Variants in MAP2K1 observed in about 807,000 individuals in gnomAD.
MAP2K1 encodes mitogen-activated protein kinase kinase 1.
A neutral mutation model predicts 46.3 loss-of-function variants in MAP2K1; 16 were observed. The observed-to-expected ratio is 0.35, with a 90% CI of 0.23 to 0.52. The LOEUF (loss-of-function observed/expected upper bound fraction) is 0.52, where lower values mean the gene tolerates loss of function less well. Among genes scored for constraint, MAP2K1 ranks in the 20% least tolerant of loss-of-function variants. MAP2K1 has a pLI of 0.94. For synonymous variants in MAP2K1, 183 were observed against 185.6 expected (o/e 0.99, Z 0.11); for missense variants, 263 against 497.1 (o/e 0.53, Z 4.48).
chr15:66,411,518 C>T (rs2093411236), intron 1 of MAP2K1, among the ~76,000 whole-genome samples: 1 of 152,196 alleles, frequency 6.6e-6, no homozygotes, highest in South Asian at 2.1e-4. Context: ...AAGTGCCAGA[C>T]AGACCCTGCA....
rs796757093 is a variant in MAP2K1 at position 66,408,508 on chromosome 15, T to G, written c.80+21081T>G. Among the ~76,000 whole-genome samples, 19 of 152,192 alleles carry G rather than the reference T, an allele frequency of 1.2e-4. 1 individual carries two copies. Among genetic ancestry groups the G allele is most frequent in the African/African-American group, 4.6e-4 (19 of 41,524 alleles). On this transcript the variant is annotated intron_variant, in intron 1 of 10. Coordinates refer to ENST00000307102, the MANE Select transcript of MAP2K1 (RefSeq NM_002755.4). Reference sequence around the variant, plus strand: ...GCCCAGCTTTCTTCTCCCAAGAGTTTAAGGAAGATTTCCTGATGTATGTGT... The same window carrying G: ...GCCCAGCTTTCTTCTCCCAAGAGTTGAAGGAAGATTTCCTGATGTATGTGT...
chr15:66,418,279 C>T (rs1036067567), intron 1 of MAP2K1, among the ~76,000 whole-genome samples: 1 of 152,062 alleles, frequency 6.6e-6, no homozygotes, highest in African/African-American at 2.4e-5. Flanking sequence ...GCCTTATGTT[C>T]CCTACCTCCA....
At chr15:66,398,145 C>G (rs557943495) in intron 1 of MAP2K1, among the ~76,000 whole-genome samples, 1 of 151,826 alleles carries the variant, frequency 6.6e-6, no homozygotes, top group South Asian at 2.1e-4. Flanking sequence ...TGGCACACAC[C>G]TGTAATCCCA....
intron 4 of MAP2K1, among the ~76,000 whole-genome samples, chr15:66,444,053 C>G (rs891248508): frequency 2.6e-5 from 4 of 151,972 alleles, no homozygotes; most frequent in African/African-American, 9.7e-5. Context: ...GCCTGACCAA[C>G]ATGGAGAAAC....
intron 1 of MAP2K1, among the ~76,000 whole-genome samples, chr15:66,408,966 G>A (rs2093404798): frequency 6.6e-6 from 1 of 152,070 alleles, no homozygotes; most frequent in African/African-American, 2.4e-5. Context: ...CTCTCCAAAG[G>A]GCAAGGTTCT....
At chr15:66,439,989 C>T (rs542710426) in intron 3 of MAP2K1, among the ~76,000 whole-genome samples, 8 of 151,518 alleles carry the variant, frequency 5.3e-5, no homozygotes, top group African/African-American at 1.9e-4. Flanking sequence ...GAAGTGTACA[C>T]TCGTACACCC....
chr15:66,396,911 C>G (rs1417961442), intron 1 of MAP2K1, among the ~76,000 whole-genome samples: 1 of 151,612 alleles, frequency 6.6e-6, no homozygotes, highest in Non-Finnish European at 1.5e-5. Context: ...TCTTGAACTC[C>G]TGACCTCAGT....
chr15:66,468,708 G>A (rs141024102), intron 5 of MAP2K1, among the ~76,000 whole-genome samples: 1,999 of 152,106 alleles, frequency 0.013, 31 homozygotes, highest in African/African-American at 0.042. Flanking sequence ...CGAGGTGGGC[G>A]GATCACGAGG....
chr15:66,395,591 T>C (rs1362172296), intron 1 of MAP2K1, among the ~76,000 whole-genome samples: 1 of 92,998 alleles, frequency 1.1e-5, no homozygotes, highest in Non-Finnish European at 2.5e-5. Context: ...TTTTTTTTTT[T>C]TGAGACGGAG....
At chr15:66,490,303 A>G in intron 10 of MAP2K1, 199 bp from the exon 11 acceptor site, 1 of 691,932 alleles carries the variant, frequency 1.4e-6, no homozygotes, top group Non-Finnish European at 2.6e-6. Context: ...GACTTGCCCA[A>G]GGCCTCACAG....
At chr15:66,462,333 C>G (rs1451887381) in intron 5 of MAP2K1, among the ~76,000 whole-genome samples, 1 of 151,826 alleles carries the variant, frequency 6.6e-6, no homozygotes, top group Non-Finnish European at 1.5e-5. Flanking sequence ...AACCCCATCT[C>G]TACTAAAAAT....
intron 9 of MAP2K1, 61 bp from the exon 10 acceptor site, chr15:66,489,655 CAT>C: frequency 1.6e-6 from 2 of 1,251,732 alleles, no homozygotes; most frequent in Non-Finnish European, 2.4e-6. Flanking sequence ...GGCATGCAAA[CAT>C]GTTATTTGAG....
rs544447899 is a variant in MAP2K1 at position 66,458,076 on chromosome 15, T to C, written c.568+13369T>C. Among the ~76,000 whole-genome samples the C allele has an allele frequency of 7.9e-5, 12 of 152,346 alleles. No individual in the cohort carries two copies. In the East Asian group the frequency reaches 1.5e-3, roughly 20 times the overall value. On this transcript the variant is annotated intron_variant, in intron 5 of 10. Transcript: ENST00000307102. ...GGGTAGGAGACAGGATTATTTTTCC[T>C]GATCCTGGAGCTCTGAAAAGAATTA...
chr15:66,478,426 ATATATATACACACAGG>A (rs1892822944), intron 5 of MAP2K1, among the ~76,000 whole-genome samples: 2 of 146,546 alleles, frequency 1.4e-5, no homozygotes, highest in African/African-American at 5.0e-5. Flanking sequence ...ACACAGGTAT[ATATATATACACACAGG>A]TATATATATA....
At chr15:66,400,261 C>T (rs1251221594) in intron 1 of MAP2K1, among the ~76,000 whole-genome samples, 2 of 151,130 alleles carry the variant, frequency 1.3e-5, no homozygotes, top group South Asian at 2.1e-4. Flanking sequence ...TTGGCTCAAG[C>T]GATCCACCTG....
intron 5 of MAP2K1, among the ~76,000 whole-genome samples, chr15:66,453,756 TCTTATTTGTTGATA>T (rs1381584240): frequency 3.9e-5 from 6 of 152,236 alleles, no homozygotes; most frequent in Non-Finnish European, 8.8e-5. Flanking sequence ...TTTTATTTGT[TCTTATTTGTTGATA>T]CTTATTTGCT....
At chr15:66,403,497 C>T (rs781052983) in intron 1 of MAP2K1, among the ~76,000 whole-genome samples, 5 of 151,806 alleles carry the variant, frequency 3.3e-5, no homozygotes, top group African/African-American at 1.2e-4. Context: ...TAACCGCAGA[C>T]GAAAGTCCCC....
At chr15:66,396,435 A>G (rs2093367769) in intron 1 of MAP2K1, among the ~76,000 whole-genome samples, 1 of 151,644 alleles carries the variant, frequency 6.6e-6, no homozygotes, top group African/African-American at 2.4e-5. Context: ...ATGGCCGGCT[A>G]ATTTTTTTAT....
chr15:66,464,163 A>G (rs1004678503), intron 5 of MAP2K1, among the ~76,000 whole-genome samples: 1 of 152,184 alleles, frequency 6.6e-6, no homozygotes, highest in Non-Finnish European at 1.5e-5. Flanking sequence ...CTTTCGTCTC[A>G]GGTTTCATCG....
Sources: allele counts gnomAD v4.1 joint callset (sites outside exome capture counted in the v4.1 genomes callset), GRCh38; gene constraint gnomAD v4.1.1; transcripts MANE v1.5; gene names NCBI Gene and HGNC (gene_info 2026-07-23, HGNC 2026-07-21).